Variants in TRA2A observed in about 807,000 individuals in gnomAD.
The protein encoded by TRA2A is transformer-2 protein homolog alpha.
A neutral mutation model predicts 45.7 loss-of-function variants in TRA2A; 31 were observed. That is an observed-to-expected ratio of 0.68 (90% CI 0.51 to 0.92). The LOEUF is 0.92. TRA2A is among the 40% of genes least tolerant of loss of function. The pLI is 0.00. For missense variants in TRA2A, 304 were observed against 367.5 expected, an observed-to-expected ratio of 0.83 and a Z score of 1.41; for synonymous variants, 132 against 126.2, an observed-to-expected ratio of 1.05 and a Z score of -0.31.
Position 23,505,500 on chromosome 7 carries a change from TAAAA to T in TRA2A, c.*55_*58del, listed in dbSNP as rs777556731. On this transcript the variant is annotated 3_prime_UTR_variant, in exon 8 of 8. Coordinates refer to ENST00000297071, the MANE Select transcript of TRA2A (RefSeq NM_013293.5). ...CCACAGCTTGGGGAAATCTCAGAAT[TAAAA>T]AAAAAAAAAAAAAAAAGAGGAAAAA... 353 of 350,338 alleles carry T rather than the reference TAAAA, an allele frequency of 1.0e-3. No individual in the cohort carries two copies. The highest frequency in any genetic ancestry group is 1.1e-3 in the South Asian group (26 of 22,646). 21.7% of individuals were successfully genotyped at this position (350,338 alleles called of 1,614,324 possible).
intron 4 of TRA2A, among the ~76,000 whole-genome samples, chr7:23,511,563 CAATT>C (rs1789623645): frequency 6.6e-6 from 1 of 151,640 alleles, no homozygotes; most frequent in African/African-American, 2.4e-5. Context: ...TTTTCTAAAT[CAATT>C]ACTATCAACT....
Position 23,506,161 on chromosome 7 carries a change from A to G in TRA2A, c.747T>C (p.Tyr249=), listed in dbSNP as rs752917047. The change falls in exon 6 of 8, where the codon TAT becomes TAC. Residue 249 remains tyrosine, a synonymous_variant. Coordinates refer to ENST00000297071, the MANE Select transcript of TRA2A (RefSeq NM_013293.5). ...ACCTGTATCGGTAATCATAGTCTTCATATCTGTCATACCCACGATCATATC... is the reference window on the plus strand; with the variant it reads ...ACCTGTATCGGTAATCATAGTCTTCGTATCTGTCATACCCACGATCATATC... The part of the protein sequence containing the change: ...DRGYDRGYDR[Y]EDYDYRYRRR... 54 of 1,611,936 alleles carry G rather than the reference A, an allele frequency of 3.4e-5. No individual in the cohort carries two copies. The highest frequency in any genetic ancestry group is 6.7e-5 in the African/African-American group (5 of 74,878).
chr7:23,515,159 T>C (rs758532571), intron 3 of TRA2A, among the ~76,000 whole-genome samples: 17 of 152,126 alleles, frequency 1.1e-4, no homozygotes, highest in Non-Finnish European at 2.1e-4. Flanking sequence ...TCAAAAAACT[T>C]TGAATATAAC....
chr7:23,510,049 CAACA>C (rs896510316), intron 4 of TRA2A, among the ~76,000 whole-genome samples: 3 of 151,962 alleles, frequency 2.0e-5, no homozygotes, highest in Non-Finnish European at 2.9e-5. Context: ...AACAAAGAAA[CAACA>C]AACAAACAAC....
At chr7:23,510,363 T>C (rs1650802337) in intron 4 of TRA2A, among the ~76,000 whole-genome samples, 1 of 152,174 alleles carries the variant, frequency 6.6e-6, no homozygotes, top group Non-Finnish European at 1.5e-5. Flanking sequence ...GGAGTCTCAC[T>C]CTGTTGCCCA....
At chr7:23,527,466 T>C (rs1269857745) in intron 1 of TRA2A, among the ~76,000 whole-genome samples, 1 of 152,214 alleles carries the variant, frequency 6.6e-6, no homozygotes, top group Admixed American at 6.5e-5. Flanking sequence ...TTTTAATTCA[T>C]TAGCACGTGA....
intron 5 of TRA2A, 71 bp downstream of exon 5, chr7:23,507,349 C>G (rs773741134): frequency 2.3e-5 from 28 of 1,243,692 alleles, no homozygotes; most frequent in Non-Finnish European, 3.0e-5. Flanking sequence ...AAAAAAGTTT[C>G]TGAGTAATCA....
chr7:23,509,948 C>T (rs1789520255), intron 4 of TRA2A, among the ~76,000 whole-genome samples: 1 of 152,150 alleles, frequency 6.6e-6, no homozygotes, highest in Admixed American at 6.6e-5. Context: ...ATCACTTGAG[C>T]CTGGGAGGCG....
chr7:23,521,722 G>C lies in TRA2A; in HGVS notation c.155C>G (p.Ser52Ter). Reference sequence around the variant, plus strand: ...ACACACTTACCTGGATTTTGATCTTGATCGAGAATGGGATTCAGAGTGTTT... The same window carrying C: ...ACACACTTACCTGGATTTTGATCTTCATCGAGAATGGGATTCAGAGTGTTT... ...VSKHSESHSR[S>*]RSKSRSRSRR... Residue 52 changes from serine to a stop codon, truncating the protein, a stop_gained, in exon 2 of 8, where the codon TCA becomes TGA. Coordinates refer to ENST00000297071, the MANE Select transcript of TRA2A (RefSeq NM_013293.5). LOFTEE classifies it high-confidence loss of function. 2 of 1,614,062 alleles carry C rather than the reference G, an allele frequency of 1.2e-6. No individual in the cohort carries two copies. The highest frequency in any genetic ancestry group is 8.5e-7 in the Non-Finnish European group (1 of 1,179,988).
chr7:23,524,984 C>T (rs964982254), intron 1 of TRA2A, among the ~76,000 whole-genome samples: 2 of 152,102 alleles, frequency 1.3e-5, no homozygotes, highest in South Asian at 2.1e-4. Flanking sequence ...GCCACCACAC[C>T]CAGCTTCATT....
At chr7:23,528,971 C>T (rs1790454268) in intron 1 of TRA2A, among the ~76,000 whole-genome samples, 1 of 152,042 alleles carries the variant, frequency 6.6e-6, no homozygotes, top group African/African-American at 2.4e-5. Context: ...AGGTCCCTAA[C>T]AATAAAGAAT....
intron 1 of TRA2A, chr7:23,522,446 G>A: frequency 8.3e-7 from 1 of 1,204,372 alleles, no homozygotes; most frequent in South Asian, 1.5e-5. Flanking sequence ...AATGGAAAAA[G>A]AACATTTAGT....
At chr7:23,520,027 G>C (rs1037216223) in intron 2 of TRA2A, among the ~76,000 whole-genome samples, 1 of 152,152 alleles carries the variant, frequency 6.6e-6, no homozygotes, top group Admixed American at 6.5e-5. Flanking sequence ...AGGAGTACAA[G>C]ACCAGCCTGG....
At chr7:23,520,728 T>G (rs935884310) in intron 2 of TRA2A, among the ~76,000 whole-genome samples, 2 of 148,936 alleles carry the variant, frequency 1.3e-5, no homozygotes, top group Non-Finnish European at 3.0e-5. Flanking sequence ...AGTCTCTCTG[T>G]CACCCAGGGT....
At chr7:23,524,394 G>C (rs566370121) in intron 1 of TRA2A, among the ~76,000 whole-genome samples, 67 of 152,214 alleles carry the variant, frequency 4.4e-4, no homozygotes, top group African/African-American at 1.6e-3. Flanking sequence ...ATGTTGGCCA[G>C]GCTGGTCTCA....
chr7:23,515,660 C>T (rs552341741), intron 3 of TRA2A, among the ~76,000 whole-genome samples: 2 of 152,242 alleles, frequency 1.3e-5, no homozygotes, highest in South Asian at 4.1e-4. Flanking sequence ...ATTCTCCAGC[C>T]TCAGCCTCTC....
chr7:23,527,921 T>C (rs1423702082), intron 1 of TRA2A, among the ~76,000 whole-genome samples: 3 of 152,214 alleles, frequency 2.0e-5, no homozygotes, highest in Non-Finnish European at 2.9e-5. Context: ...TTTTTAAGTT[T>C]ACAAATTCTT....
At chr7:23,521,961 C>T in intron 1 of TRA2A, 121 bp from the exon 2 acceptor site, 1 of 1,452,422 alleles carries the variant, frequency 6.9e-7, no homozygotes. Flanking sequence ...AGACAACACC[C>T]TCCAGAAAAA....
At chr7:23,514,511 T>C (rs1397087297) in intron 3 of TRA2A, among the ~76,000 whole-genome samples, 2 of 152,240 alleles carry the variant, frequency 1.3e-5, no homozygotes, top group Admixed American at 1.3e-4. Flanking sequence ...TTCTAGTTAA[T>C]TCAAATGCTT....
Sources: gnomAD v4.1 joint callset for allele counts (sites outside exome capture counted in the v4.1 genomes callset) on GRCh38, gnomAD v4.1.1 for gene constraint, MANE v1.5 for transcripts, NCBI Gene and HGNC (gene_info 2026-07-23, HGNC 2026-07-21) for gene names.